The following ENTHD1 variants were observed in gnomAD, a reference collection of about 807,000 sequenced individuals.
The protein encoded by ENTHD1 is ENTH domain-containing protein 1.
In ENTHD1, 23 loss-of-function variants were observed where a neutral mutation model predicts 39.1. The observed-to-expected ratio is 0.59, with a 90% CI of 0.42 to 0.83. ENTHD1 has a LOEUF of 0.83. Ranked by LOEUF, ENTHD1 falls within the 40% of genes least tolerant of loss-of-function variation. The pLI, the probability that ENTHD1 is intolerant of heterozygous loss-of-function variation, is 0.00. For missense variants in ENTHD1, 624 were observed against 705.4 expected (o/e 0.88, Z 1.31); for synonymous variants, 230 against 258.2 (o/e 0.89, Z 1.05).
At chr22:39,885,549 T>C (rs2066372671) in intron 2 of ENTHD1, among the ~76,000 whole-genome samples, 1 of 152,184 alleles carries the variant, frequency 6.6e-6, no homozygotes, top group Admixed American at 6.5e-5. Context: ...TACACTCCCA[T>C]GTTCAGTGCA....
intron 1 of ENTHD1, among the ~76,000 whole-genome samples, chr22:39,892,127 T>C (rs904921930): frequency 1.3e-5 from 2 of 152,204 alleles, no homozygotes; most frequent in African/African-American, 2.4e-5. Context: ...TGTGGAGAAA[T>C]ATAAAACATG....
chr22:39,756,580 G>A (rs963210505), intron 6 of ENTHD1, among the ~76,000 whole-genome samples: 3 of 151,968 alleles, frequency 2.0e-5, no homozygotes, highest in Non-Finnish European at 4.4e-5. Context: ...TGATCCTCCT[G>A]CCTTGGCCTC....
chr22:39,780,677 A>G (rs754056724), intron 5 of ENTHD1, among the ~76,000 whole-genome samples: 3 of 152,166 alleles, frequency 2.0e-5, no homozygotes, highest in Non-Finnish European at 4.4e-5. Context: ...GGATATAACA[A>G]TTATAACACT....
rs546374964 is a variant in ENTHD1, at chr22:39,883,071, T to C, written c.349+4329A>G. Among the ~76,000 whole-genome samples, 27 of 144,306 alleles carry C rather than the reference T, an allele frequency of 1.9e-4. No individual in the cohort carries two copies. The South Asian group carries it at 5.8e-3, about 31-fold the overall frequency. 94.7% of individuals were successfully genotyped at this position (144,306 alleles called of 152,430 possible). On this transcript the variant is annotated intron_variant, in intron 2 of 6. Transcript: ENST00000325157. ...ACAAAGAGAAATATGTAAAAGATAA[T>C]ATTTTCCCCTAATGGAATCTTTTTC...
chr22:39,771,884 T>C (rs1601583828), intron 5 of ENTHD1, among the ~76,000 whole-genome samples: 1 of 152,154 alleles, frequency 6.6e-6, no homozygotes, highest in Admixed American at 6.5e-5. Flanking sequence ...AGATGGAAAG[T>C]TGGATCTTTG....
chr22:39,780,434 A>G (rs1161576651), intron 5 of ENTHD1, among the ~76,000 whole-genome samples: 1 of 152,162 alleles, frequency 6.6e-6, no homozygotes, highest in Non-Finnish European at 1.5e-5. Flanking sequence ...GAATAGCTGA[A>G]TGGATAAAGA....
At position 39,797,796 on chromosome 22, in the gene ENTHD1, T is replaced by C. The variant is rs551178953; in HGVS notation, c.832+23197A>G. Among the ~76,000 whole-genome samples the C allele has an allele frequency of 2.6e-5, 4 of 152,332 alleles. No homozygotes were observed. The East Asian group carries it at 7.7e-4, about 29-fold the overall frequency. ...TGCTTGTCTGTAAAGTTTCTGCTGA[T>C]AAATCAGCTGTTGGTCTGACAGGAG... On this transcript the variant is annotated intron_variant, in intron 5 of 6. Transcript: ENST00000325157.
At chr22:39,868,550 T>G (rs907767965) in intron 2 of ENTHD1, among the ~76,000 whole-genome samples, 19 of 152,250 alleles carry the variant, frequency 1.2e-4, no homozygotes, top group Non-Finnish European at 1.8e-4. Context: ...AACACCACGC[T>G]GGACATTGAA....
intron 6 of ENTHD1, among the ~76,000 whole-genome samples, chr22:39,758,981 A>G (rs1261540740): frequency 1.3e-5 from 2 of 152,016 alleles, no homozygotes; most frequent in African/African-American, 4.8e-5. Context: ...ATGTATTATT[A>G]TTTTTCTATG....
intron 3 of ENTHD1, among the ~76,000 whole-genome samples, chr22:39,837,008 G>A (rs2146678833): frequency 6.6e-6 from 1 of 152,208 alleles, no homozygotes; most frequent in East Asian, 1.9e-4. Context: ...ATTTGAGAAT[G>A]TACTAATACA....
intron 4 of ENTHD1, among the ~76,000 whole-genome samples, chr22:39,831,430 A>T (rs1474601756): frequency 6.6e-6 from 1 of 152,162 alleles, no homozygotes; most frequent in East Asian, 1.9e-4. Context: ...AAGATTAAGA[A>T]ACAAAAACAA....
At chr22:39,839,197 A>T (rs1174855786) in intron 3 of ENTHD1, among the ~76,000 whole-genome samples, 2 of 152,212 alleles carry the variant, frequency 1.3e-5, no homozygotes, top group Non-Finnish European at 2.9e-5. Context: ...AACAAAAAAA[A>T]ATACTGAAAA....
chr22:39,773,181 C>T (rs2065341321), intron 5 of ENTHD1, among the ~76,000 whole-genome samples: 1 of 132,358 alleles, frequency 7.6e-6, no homozygotes, highest in African/African-American at 2.8e-5. Flanking sequence ...CCAAATCCAA[C>T]TAAGTCATAT....
intron 3 of ENTHD1, among the ~76,000 whole-genome samples, chr22:39,861,344 A>G (rs549926613): frequency 6.0e-4 from 91 of 152,318 alleles, no homozygotes; most frequent in Non-Finnish European, 9.3e-4. Context: ...GTTCGAGACC[A>G]GCCTGGGCAA....
intron 5 of ENTHD1, among the ~76,000 whole-genome samples, chr22:39,787,140 C>T (rs1009715608): frequency 2.6e-5 from 4 of 152,116 alleles, no homozygotes; most frequent in Non-Finnish European, 5.9e-5. Flanking sequence ...ACCTTAGATT[C>T]CTTAGATTTT....
In ENTHD1 at chr22:39,762,335, C is replaced by T. The variant is rs1013202021; in HGVS notation, c.1219+2888G>A. Among the ~76,000 whole-genome samples the T allele has an allele frequency of 3.9e-5, 6 of 152,172 alleles. No individual in the cohort carries two copies. The East Asian group carries it at 1.2e-3, about 29-fold the overall frequency. The stretch of plus-strand genomic sequence containing the variant: ...GCCAGAACTGAACTCTCTTTTGACA[C>T]TCCAGGCTATGAGGACTGAAGAGTA... On this transcript the variant is annotated intron_variant, in intron 6 of 6. Transcript: ENST00000325157.
chr22:39,872,562 T>C (rs2066252461), intron 2 of ENTHD1, among the ~76,000 whole-genome samples: 1 of 152,246 alleles, frequency 6.6e-6, no homozygotes, highest in South Asian at 2.1e-4. Flanking sequence ...CCACAGTATT[T>C]GCCTTTCATA....
chr22:39,765,800 T>G (rs992126536), intron 5 of ENTHD1, among the ~76,000 whole-genome samples, 191 bp from the exon 6 acceptor site: 1 of 151,958 alleles, frequency 6.6e-6, no homozygotes, highest in African/African-American at 2.4e-5. Context: ...AATTGACGCC[T>G]TAGTCATTTT....
intron 4 of ENTHD1, among the ~76,000 whole-genome samples, chr22:39,822,660 A>G (rs1404685948): frequency 6.6e-6 from 1 of 152,234 alleles, no homozygotes; most frequent in Non-Finnish European, 1.5e-5. Flanking sequence ...ATCTATTATG[A>G]ATAAAGCTAC....
Sources: gnomAD v4.1 joint callset for allele counts (sites outside exome capture counted in the v4.1 genomes callset) on GRCh38, gnomAD v4.1.1 for gene constraint, MANE v1.5 for transcripts, NCBI Gene and HGNC (gene_info 2026-07-23, HGNC 2026-07-21) for gene names.